Variants in TTC27 observed in about 807,000 individuals in gnomAD.
The protein encoded by TTC27 is tetratricopeptide repeat domain 27.
Under a neutral mutation model 115.9 loss-of-function variants are expected in TTC27, and 79 were observed. That is an observed-to-expected ratio of 0.68 (90% CI 0.57 to 0.82). TTC27 has a LOEUF of 0.82. Ranked by LOEUF, TTC27 falls within the 40% of genes least tolerant of loss-of-function variation. TTC27 has a pLI of 0.00. For missense variants in TTC27, 1,054 were observed against 993.1 expected, an observed-to-expected ratio of 1.06 and a Z score of -0.82; for synonymous variants, 401 against 356.0, an observed-to-expected ratio of 1.13 and a Z score of -1.42.
At chr2:32,673,441 G>A (rs1285631369) in intron 8 of TTC27, among the ~76,000 whole-genome samples, 1 of 151,936 alleles carries the variant, frequency 6.6e-6, no homozygotes, top group Non-Finnish European at 1.5e-5. Flanking sequence ...TTTCCAGGCT[G>A]GTCTCGAACT....
rs112523275 is a variant in TTC27 at position 32,649,786 on chromosome 2, T to G, written c.538-345T>G. 4.5e-3 allele frequency among the ~76,000 whole-genome samples: 688 copies of G among 152,184 alleles called. 5 individuals are homozygous for G. The highest frequency in any genetic ancestry group is 0.015 in the African/African-American group (639 of 41,530). On this transcript the variant is annotated intron_variant, in intron 4 of 19. Coordinates refer to ENST00000317907, the MANE Select transcript of TTC27 (RefSeq NM_017735.5). ...GTCTTGAACTCCTGACCTTGTGATC[T>G]GCCCGCCTCGGCCTCCCAAAGTGTT...
intron 11 of TTC27, among the ~76,000 whole-genome samples, chr2:32,735,495 C>T (rs999076356): frequency 3.9e-5 from 6 of 152,098 alleles, no homozygotes; most frequent in Admixed American, 3.9e-4. Flanking sequence ...GCTTATCTGC[C>T]TAGGAAGCTG....
intron 9 of TTC27, among the ~76,000 whole-genome samples, chr2:32,681,474 C>T (rs528280555): frequency 2.0e-5 from 3 of 152,122 alleles, no homozygotes; most frequent in African/African-American, 7.2e-5. Flanking sequence ...TATTTAAATC[C>T]TATGTAACTC....
chr2:32,740,451 G>A (rs1156533269), intron 12 of TTC27, among the ~76,000 whole-genome samples: 3 of 56,658 alleles, frequency 5.3e-5, no homozygotes, highest in African/African-American at 2.0e-4. Flanking sequence ...CTGTTTTGGG[G>A]GCTTTTTTTT....
At chr2:32,740,447 T>G (rs368402518) in intron 12 of TTC27, among the ~76,000 whole-genome samples, 3 of 67,318 alleles carry the variant, frequency 4.5e-5, no homozygotes, top group South Asian at 1.6e-3. Context: ...TTTCCTGTTT[T>G]GGGGGCTTTT....
chr2:32,667,217 ATCGGCCTTT>A (rs1394917866), intron 7 of TTC27, among the ~76,000 whole-genome samples: 1 of 151,906 alleles, frequency 6.6e-6, no homozygotes, highest in African/African-American at 2.4e-5. Flanking sequence ...TAGTTTTGTG[ATCGGCCTTT>A]TGTTTCTCTG....
At chr2:32,794,011 C>A (rs1400185279) in intron 16 of TTC27, among the ~76,000 whole-genome samples, 1 of 152,010 alleles carries the variant, frequency 6.6e-6, no homozygotes, top group African/African-American at 2.4e-5. Flanking sequence ...TTGGGGCACA[C>A]CATTTATGAA....
At chr2:32,735,067 T>G (rs923074377) in intron 11 of TTC27, among the ~76,000 whole-genome samples, 3 of 152,152 alleles carry the variant, frequency 2.0e-5, no homozygotes, top group Non-Finnish European at 1.5e-5. Flanking sequence ...ACATAGGTAG[T>G]GAGTTAGAAA....
At chr2:32,660,477 C>G (rs1207889718) in intron 5 of TTC27, among the ~76,000 whole-genome samples, 1 of 152,058 alleles carries the variant, frequency 6.6e-6, no homozygotes, top group African/African-American at 2.4e-5. Flanking sequence ...AACCATCATT[C>G]TCAGCAAACT....
chr2:32,803,806 G>C (rs769794530), intron 16 of TTC27, among the ~76,000 whole-genome samples: 1 of 152,116 alleles, frequency 6.6e-6, no homozygotes, highest in Non-Finnish European at 1.5e-5. Context: ...GGTCAGGAAT[G>C]ACCAGCCTGG....
chr2:32,667,250 G>C (rs1378769397), intron 7 of TTC27, among the ~76,000 whole-genome samples: 1 of 151,706 alleles, frequency 6.6e-6, no homozygotes, highest in African/African-American at 2.4e-5. Flanking sequence ...TTATTGGGGG[G>C]GTGGTTGCCT....
intron 16 of TTC27, among the ~76,000 whole-genome samples, chr2:32,809,459 G>A (rs555868250): frequency 5.9e-5 from 9 of 152,312 alleles, no homozygotes; most frequent in Admixed American, 6.5e-5. Flanking sequence ...CCTGCAGACC[G>A]TCAACATCAG....
intron 11 of TTC27, among the ~76,000 whole-genome samples, chr2:32,735,799 A>G (rs963381773): frequency 5.3e-5 from 8 of 152,186 alleles, no homozygotes; most frequent in Admixed American, 2.6e-4. Context: ...AAAATGTCCA[A>G]TTATATTCTC....
chr2:32,677,549 A>C (rs1666258649), intron 8 of TTC27, among the ~76,000 whole-genome samples: 1 of 152,084 alleles, frequency 6.6e-6, no homozygotes, highest in Admixed American at 6.6e-5. Context: ...TCACAAGTTC[A>C]AGCAATCCTC....
At chr2:32,712,532 C>A (rs533335789) in intron 10 of TTC27, among the ~76,000 whole-genome samples, 42 of 152,142 alleles carry the variant, frequency 2.8e-4, no homozygotes, top group African/African-American at 9.4e-4. Flanking sequence ...TTTCCTTCCG[C>A]ATCTGATCTA....
intron 9 of TTC27, among the ~76,000 whole-genome samples, chr2:32,690,583 A>G (rs1277164949): frequency 6.6e-6 from 1 of 152,206 alleles, no homozygotes; most frequent in African/African-American, 2.4e-5. Context: ...AACAACAGAT[A>G]GGGTTTAGAT....
chr2:32,694,275 A>G (rs1269771905), intron 9 of TTC27, among the ~76,000 whole-genome samples: 4 of 152,370 alleles, frequency 2.6e-5, no homozygotes, highest in Middle Eastern at 3.4e-3. Context: ...AAATAATTGA[A>G]ATTAAAGTGT....
chr2:32,667,875 G>A (rs1665847998), intron 7 of TTC27, among the ~76,000 whole-genome samples: 1 of 150,612 alleles, frequency 6.6e-6, no homozygotes, highest in African/African-American at 2.4e-5. Context: ...CCAAAATGGT[G>A]AAACCCTGTC....
At chr2:32,630,473 T>C in intron 1 of TTC27, 50 bp from the exon 2 acceptor site, 1 of 1,424,314 alleles carries the variant, frequency 7.0e-7, no homozygotes, top group Non-Finnish European at 9.6e-7. Flanking sequence ...TCCTTTACGG[T>C]ATGAAAAATA....
Sources: allele counts gnomAD v4.1 joint callset (sites outside exome capture counted in the v4.1 genomes callset), GRCh38; gene constraint gnomAD v4.1.1; transcripts MANE v1.5; gene names NCBI Gene and HGNC (gene_info 2026-07-23, HGNC 2026-07-21).